CCNH: variants seen among roughly 807,000 people sequenced by gnomAD.
CCNH encodes cyclin-H.
A neutral mutation model predicts 41.9 loss-of-function variants in CCNH; 31 were observed. That is an observed-to-expected ratio of 0.74 (90% confidence interval 0.56 to 1.00). The LOEUF is 1.00. CCNH is among the 50% of genes least tolerant of loss of function. The probability of loss-of-function intolerance (pLI) is 0.00; values close to 1 mark genes in which losing one functional copy is unlikely to be tolerated. For synonymous variants in CCNH, 138 were observed against 136.1 expected (o/e 1.01, Z -0.10); for missense variants, 362 against 388.4 (o/e 0.93, Z 0.57).
intron 9 of CCNH, among the ~76,000 whole-genome samples, chr5:87,326,643 G>T (rs1416839145): frequency 1.3e-5 from 2 of 152,114 alleles, no homozygotes; most frequent in Non-Finnish European, 2.9e-5. Context: ...TTAAGTCATA[G>T]TATCTCAAGT....
Position 87,351,022 on chromosome 5 carries a change from A to G in CCNH, c.*91-32125T>C, listed in dbSNP as rs151095134. ...GTTTATTGTTAGATCTAAATGTATA[A>G]AGAAAGATTTTTCAATAAATCTGTC... On this transcript the variant is annotated intron_variant and NMD_transcript_variant, in intron 9 of 9. Coordinates refer to the CCNH transcript ENST00000645953. Among the ~76,000 whole-genome samples, 22 of 151,802 alleles carry G rather than the reference A, an allele frequency of 1.4e-4. No individual in the cohort carries two copies. The East Asian group carries it at 4.2e-3, about 29-fold the overall frequency.
intron 9 of CCNH, among the ~76,000 whole-genome samples, chr5:87,360,898 T>A (rs1760038654): frequency 6.6e-6 from 1 of 152,198 alleles, no homozygotes; most frequent in African/African-American, 2.4e-5. Context: ...TCTTTATCAT[T>A]TATGAGCAGA....
At chr5:87,338,544 T>C (rs1325363609) in intron 9 of CCNH, among the ~76,000 whole-genome samples, 1 of 137,926 alleles carries the variant, frequency 7.3e-6, no homozygotes, top group East Asian at 2.2e-4. Flanking sequence ...AAATTTTTTT[T>C]TTTTTTAAGT....
intron 9 of CCNH, chr5:87,363,308 ATTGT>A (rs761986668): frequency 1.6e-5 from 24 of 1,509,470 alleles, no homozygotes; most frequent in Middle Eastern, 2.0e-4. Flanking sequence ...GGATTTCACA[ATTGT>A]TTGGCTAAGA....
At position 87,400,263 on chromosome 5, in the gene CCNH, C is replaced by T. The variant is rs144003353; in HGVS notation, c.761-758G>A. Among the ~76,000 whole-genome samples the T allele has an allele frequency of 4.6e-5, 7 of 152,302 alleles. No homozygotes were observed. The East Asian group carries it at 1.3e-3, about 29-fold the overall frequency. On this transcript the variant is annotated intron_variant, in intron 6 of 8. Coordinates refer to ENST00000256897, the MANE Select transcript of CCNH (RefSeq NM_001239.4). Reference sequence around the variant, plus strand: ...AGCAGTATTTTTAACTGAATTAATACTTGTAACTCAACACCCTTAGGACAG... The same window carrying T: ...AGCAGTATTTTTAACTGAATTAATATTTGTAACTCAACACCCTTAGGACAG...
intron 2 of CCNH, among the ~76,000 whole-genome samples, 181 bp downstream of exon 2, chr5:87,411,043 T>TGAA (rs1464640777): frequency 6.6e-6 from 1 of 152,214 alleles, no homozygotes; most frequent in Non-Finnish European, 1.5e-5. Flanking sequence ...GAAATACTTT[T>TGAA]GAAGATATGA....
chr5:87,382,602 T>C (rs1561327509), intron 9 of CCNH, among the ~76,000 whole-genome samples: 2 of 152,114 alleles, frequency 1.3e-5, no homozygotes, highest in Non-Finnish European at 2.9e-5. Flanking sequence ...TGACAACATA[T>C]CCTCCCTACC....
chr5:87,320,477 C>T (rs1756703754), intron 9 of CCNH, among the ~76,000 whole-genome samples: 1 of 152,124 alleles, frequency 6.6e-6, no homozygotes, highest in Admixed American at 6.5e-5. Context: ...CTGGAGAGGC[C>T]TCAGAAGACT....
chr5:87,402,880 T>C lies in CCNH; in HGVS notation c.690-1108A>G, dbSNP rs189495614. 5.9e-5 allele frequency among the ~76,000 whole-genome samples: 9 copies of C among 152,284 alleles called. No individual in the cohort carries two copies. In the East Asian group the frequency reaches 1.5e-3, roughly 26 times the overall value. ...AGGGTCATAGGTTTGGTGCTAAGAGTTGGCTGACTAGACTCATTATCTCTG... is the reference window on the plus strand; with the variant it reads ...AGGGTCATAGGTTTGGTGCTAAGAGCTGGCTGACTAGACTCATTATCTCTG... On this transcript the variant is annotated intron_variant, in intron 5 of 8. Transcript: ENST00000256897.
At chr5:87,334,235 GA>G (rs1488376202) in intron 9 of CCNH, among the ~76,000 whole-genome samples, 1 of 152,168 alleles carries the variant, frequency 6.6e-6, no homozygotes, top group African/African-American at 2.4e-5. Context: ...AGAACCAGGG[GA>G]GCCTATGGTG....
At position 87,353,182 on chromosome 5, in the gene CCNH, C is replaced by G; in HGVS notation, c.*91-34285G>C. ...CATTGGGGACATCATAGATCACTATCGAAAAGAACAGATTGTTGAAGGATA... is the reference window on the plus strand; with the variant it reads ...CATTGGGGACATCATAGATCACTATGGAAAAGAACAGATTGTTGAAGGATA... On this transcript the variant is annotated intron_variant and NMD_transcript_variant, in intron 9 of 9. Coordinates refer to the CCNH transcript ENST00000645953. 4 of 1,610,384 alleles carry G rather than the reference C, an allele frequency of 2.5e-6. No homozygotes were observed. The highest frequency in any genetic ancestry group is 2.2e-5 in the South Asian group (2 of 90,990).
chr5:87,395,629 T>A (rs1762896773), intron 7 of CCNH, among the ~76,000 whole-genome samples: 1 of 152,188 alleles, frequency 6.6e-6, no homozygotes, highest in African/African-American at 2.4e-5. Flanking sequence ...TCCCAGCTCT[T>A]TAGGAGGCCG....
intron 9 of CCNH, among the ~76,000 whole-genome samples, chr5:87,355,100 C>T (rs991152230): frequency 5.9e-5 from 9 of 152,102 alleles, no homozygotes; most frequent in African/African-American, 2.2e-4. Flanking sequence ...GCAAGTTACC[C>T]AGAACATCTA....
At chr5:87,404,494 G>T (rs553824582) in intron 5 of CCNH, among the ~76,000 whole-genome samples, 2 of 152,088 alleles carry the variant, frequency 1.3e-5, no homozygotes, top group Admixed American at 1.3e-4. Flanking sequence ...TTTAACTTCC[G>T]CGTGTCATAC....
intron 9 of CCNH, among the ~76,000 whole-genome samples, chr5:87,334,621 GT>G (rs1343656130): frequency 1.3e-5 from 2 of 152,192 alleles, no homozygotes; most frequent in African/African-American, 4.8e-5. Context: ...GCAATGGATG[GT>G]AAAACTGCTG....
intron 9 of CCNH, chr5:87,318,906 T>TA (rs1561277382): frequency 1.3e-5 from 2 of 152,190 alleles, no homozygotes; most frequent in Admixed American, 6.5e-5. Flanking sequence ...GCCTGTAAAA[T>TA]AAAAAACAAG....
intron 9 of CCNH, chr5:87,331,283 CA>C: frequency 6.7e-7 from 1 of 1,482,736 alleles, no homozygotes; most frequent in Non-Finnish European, 9.4e-7. Flanking sequence ...GTATGTTTTT[CA>C]AGTGTCCATA....
chr5:87,323,411 G>A (rs895268311), intron 9 of CCNH, among the ~76,000 whole-genome samples: 6 of 152,168 alleles, frequency 3.9e-5, no homozygotes, highest in Non-Finnish European at 7.4e-5. Flanking sequence ...GAACTTTTGA[G>A]GGAGAGAGTG....
chr5:87,339,605 G>A (rs1422422738), intron 9 of CCNH, among the ~76,000 whole-genome samples: 1 of 151,970 alleles, frequency 6.6e-6, no homozygotes, highest in African/African-American at 2.4e-5. Context: ...AAAGAAAAGT[G>A]AAAATTACTC....
Sources: allele counts gnomAD v4.1 joint callset (sites outside exome capture counted in the v4.1 genomes callset), GRCh38; gene constraint gnomAD v4.1.1; transcripts MANE v1.5; gene names NCBI Gene and HGNC (gene_info 2026-07-23, HGNC 2026-07-21).